Variants in SLC1A7 observed in about 807,000 individuals in gnomAD.
SLC1A7 encodes solute carrier family 1 member 7, also known as excitatory amino acid transporter 5.
A neutral mutation model predicts 47.7 loss-of-function variants in SLC1A7; 40 were observed. The observed-to-expected ratio is 0.84, with a 90% CI of 0.65 to 1.09. The LOEUF (loss-of-function observed/expected upper bound fraction) is 1.09, where lower values mean the gene tolerates loss of function less well. Ranked by LOEUF, SLC1A7 falls within the 50% of genes least tolerant of loss-of-function variation. The probability of loss-of-function intolerance (pLI) is 0.00; values close to 1 mark genes in which losing one functional copy is unlikely to be tolerated. For synonymous variants in SLC1A7, 323 were observed against 325.6 expected (o/e 0.99, Z 0.09); for missense variants, 746 against 769.5 (o/e 0.97, Z 0.36).
rs1192179544 is a variant in SLC1A7 at position 53,136,665 on chromosome 1, TA to T, written c.136-2237del. On this transcript the variant is annotated intron_variant, in intron 1 of 10. Transcript: ENST00000371494. ...AACATATATATATTATATATATATATATTTTTTTTTTTTTTTTTTGAGACAA... is the reference window on the plus strand; with the variant it reads ...AACATATATATATTATATATATATATTTTTTTTTTTTTTTTTTTGAGACAA... 2.3e-3 allele frequency among the ~76,000 whole-genome samples: 99 copies of T among 43,354 alleles called. 2 individuals are homozygous for T. The highest frequency in any genetic ancestry group is 5.0e-3 in the South Asian group (6 of 1,198). The allele number at this position is 43,354 out of a possible 152,430, so 28.4% of individuals were successfully genotyped here. A position where few individuals can be genotyped will look rare whatever the true frequency, so the allele number is the denominator to read the frequency against.
At chr1:53,135,635 A>C (rs1644984874) in intron 1 of SLC1A7, among the ~76,000 whole-genome samples, 1 of 152,202 alleles carries the variant, frequency 6.6e-6, no homozygotes, top group African/African-American at 2.4e-5. Flanking sequence ...AGGGCTGCTA[A>C]GCCCAGTTAA....
chr1:53,127,823 T>A (rs1190009417), intron 2 of SLC1A7, among the ~76,000 whole-genome samples: 2 of 152,122 alleles, frequency 1.3e-5, no homozygotes, highest in Non-Finnish European at 2.9e-5. Context: ...CCATGGGGAA[T>A]CACTTCTGTC....
intron 5 of SLC1A7, among the ~76,000 whole-genome samples, chr1:53,098,023 C>T (rs28627531): frequency 8.0e-5 from 12 of 150,668 alleles, no homozygotes; most frequent in Admixed American, 4.0e-4. Flanking sequence ...AACCCTGCCT[C>T]GGTACACTCA....
chr1:53,138,189 T>G (rs1429392185), intron 1 of SLC1A7, among the ~76,000 whole-genome samples: 10 of 152,236 alleles, frequency 6.6e-5, no homozygotes, highest in Admixed American at 5.9e-4. Context: ...TGATTTCCTG[T>G]TCCTTAGATG....
At chr1:53,091,973 A>C (rs533877349) in intron 7 of SLC1A7, among the ~76,000 whole-genome samples, 1 of 152,184 alleles carries the variant, frequency 6.6e-6, no homozygotes, top group Admixed American at 6.5e-5. Context: ...GTGCTGGTTC[A>C]CCTGGCCCAG....
chr1:53,100,669 C>T (rs61768112), intron 5 of SLC1A7, among the ~76,000 whole-genome samples: 31,478 of 150,808 alleles, frequency 0.21, 3,427 homozygotes, highest in Middle Eastern at 0.28. Context: ...TACACTCACA[C>T]GACTTGCCTC....
At position 53,090,797 on chromosome 1, in the gene SLC1A7, T is replaced by C; in HGVS notation, c.1041A>G (p.Thr347=). ...IALATSSSSA[T]LPITFKCLLE... The stretch of plus-strand genomic sequence containing the variant: ...GCAGGCACTTGAAGGTGATGGGCAG[T>C]GTGGCTGAGCTACGGTTAGAGGGGC... The change falls in exon 8 of 11, where the codon ACA becomes ACG. Residue 347 remains threonine, a synonymous_variant. Coordinates refer to ENST00000371494, the MANE Select transcript of SLC1A7 (RefSeq NM_006671.6). 1 of 1,611,558 alleles carries C rather than the reference T, an allele frequency of 6.2e-7. No individual in the cohort carries two copies. Among genetic ancestry groups the C allele is most frequent in the South Asian group, 1.1e-5 (1 of 90,494 alleles).
intron 3 of SLC1A7, among the ~76,000 whole-genome samples, chr1:53,109,028 TA>T (rs1644675102): frequency 6.6e-6 from 1 of 152,154 alleles, no homozygotes; most frequent in African/African-American, 2.4e-5. Context: ...GGCAGCTACA[TA>T]AAACACAGAA....
At chr1:53,121,980 G>A (rs1029907364) in intron 2 of SLC1A7, among the ~76,000 whole-genome samples, 1 of 151,976 alleles carries the variant, frequency 6.6e-6, no homozygotes, top group African/African-American at 2.4e-5. Context: ...TAGGCAGCAG[G>A]TGATAGAGGC....
chr1:53,088,511 G>A (rs1465334121), intron 10 of SLC1A7, among the ~76,000 whole-genome samples: 1 of 152,144 alleles, frequency 6.6e-6, no homozygotes, highest in Non-Finnish European at 1.5e-5. Flanking sequence ...TCTTCCCCAT[G>A]ATGTGGGGAC....
chr1:53,120,488 G>GGGCT (rs141071135), intron 2 of SLC1A7, among the ~76,000 whole-genome samples: 1,572 of 152,152 alleles, frequency 0.01, 19 homozygotes, highest in African/African-American at 0.036. Flanking sequence ...GCGTCCCCTG[G>GGGCT]GGCTGGGCCG....
chr1:53,123,693 A>G (rs1159539066), intron 2 of SLC1A7, among the ~76,000 whole-genome samples: 1 of 152,208 alleles, frequency 6.6e-6, no homozygotes, highest in African/African-American at 2.4e-5. Flanking sequence ...GGAATTCTCT[A>G]ACTGGAAGGG....
chr1:53,129,456 T>TGCCGCTGGCCCGACCCC (rs775104221), intron 2 of SLC1A7, among the ~76,000 whole-genome samples: 1 of 123,782 alleles, frequency 8.1e-6, no homozygotes. Flanking sequence ...CCCCGCCACA[T>TGCCGCTGGCCCGACCCC]TGTGACAGAT....
Position 53,108,652 on chromosome 1 carries a change from T to C in SLC1A7, c.432-2878A>G, listed in dbSNP as rs751106929. ...CTTTCTGCCTGGAACATGGGGATAA[T>C]AGCTAGAGCTTGAGCAACCTTCATG... On this transcript the variant is annotated intron_variant, in intron 3 of 10. Transcript: ENST00000371494. 7.0e-6 allele frequency: 5 copies of C among 717,608 alleles called. No homozygotes were observed. The South Asian group carries it at 7.4e-5, about 11-fold the overall frequency. The allele number at this position is 717,608 out of a possible 1,614,324, so 44.5% of individuals were successfully genotyped here. A position where few individuals can be genotyped will look rare whatever the true frequency, so the allele number is the denominator to read the frequency against.
In SLC1A7 at chr1:53,096,400, C is replaced by T. The variant is rs78775766; in HGVS notation, c.698-2840G>A. On this transcript the variant is annotated intron_variant, in intron 5 of 10. Transcript: ENST00000371494. ...CACATCCCGCCTAGGTACACTCACA[C>T]GCCTCGCCTCGGTACACTCACACAC... Among the ~76,000 whole-genome samples the T allele has an allele frequency of 4.6e-3, 701 of 151,010 alleles. 12 individuals carry two copies. Among genetic ancestry groups the T allele is most frequent in the East Asian group, 0.033 (167 of 5,060 alleles).
At chr1:53,117,297 G>A (rs1268199103) in intron 2 of SLC1A7, among the ~76,000 whole-genome samples, 1 of 152,192 alleles carries the variant, frequency 6.6e-6, no homozygotes, top group African/African-American at 2.4e-5. Flanking sequence ...AGAGAAGATA[G>A]GCTGAGCTCA....
intron 4 of SLC1A7, among the ~76,000 whole-genome samples, chr1:53,104,373 C>T (rs1644616416): frequency 6.6e-6 from 1 of 152,214 alleles, no homozygotes; most frequent in African/African-American, 2.4e-5. Context: ...GTTGAACACT[C>T]TGTGCTGGTT....
chr1:53,091,018 G>A (rs1168308381), intron 7 of SLC1A7: 3 of 1,412,456 alleles, frequency 2.1e-6, no homozygotes, highest in Non-Finnish European at 2.8e-6. Context: ...TTTTACAGAT[G>A]AGGAAGCTGA....
chr1:53,088,286 A>T, intron 10 of SLC1A7, 59 bp from the exon 11 acceptor site: 1 of 1,388,756 alleles, frequency 7.2e-7, no homozygotes, highest in Non-Finnish European at 9.8e-7. Flanking sequence ...GATACGAGGG[A>T]GGACTGAGGG....
Sources: allele counts gnomAD v4.1 joint callset (sites outside exome capture counted in the v4.1 genomes callset), GRCh38; gene constraint gnomAD v4.1.1; transcripts MANE v1.5; gene names NCBI Gene and HGNC (gene_info 2026-07-23, HGNC 2026-07-21).